Variants in LRRC69 observed in about 807,000 individuals in gnomAD.
LRRC69 encodes leucine-rich repeat-containing protein 69.
Under a neutral mutation model 37.8 loss-of-function variants are expected in LRRC69, and 42 were observed. The ratio of observed to expected loss-of-function variants is 1.11; its 90% confidence interval spans 0.87 to 1.44. The LOEUF (loss-of-function observed/expected upper bound fraction) is 1.44, where lower values mean the gene tolerates loss of function less well. LRRC69 is among the 40% of genes most tolerant of loss of function. The probability of loss-of-function intolerance (pLI) is 0.00; values close to 1 mark genes in which losing one functional copy is unlikely to be tolerated. For missense variants in LRRC69, 357 were observed against 401.9 expected (o/e 0.89, Z 0.96); for synonymous variants, 141 against 143.1 (o/e 0.99, Z 0.11).
At position 91,189,647 on chromosome 8, in the gene LRRC69, A is replaced by G; in HGVS notation, c.753+24A>G. ...AGGTGAAGACTTACCTCATTAACTTAAGTCTTCAAACTAAAGCCACAATTT... is the reference window on the plus strand; with the variant it reads ...AGGTGAAGACTTACCTCATTAACTTGAGTCTTCAAACTAAAGCCACAATTT... On this transcript the variant is annotated intron_variant, in intron 6 of 7. Coordinates refer to ENST00000448384, the Ensembl canonical transcript of LRRC69. 4.2e-6 allele frequency: 6 copies of G among 1,421,168 alleles called. No individual in the cohort carries two copies. The East Asian group carries it at 1.5e-4, about 35-fold the overall frequency. 88.0% of individuals were successfully genotyped at this position (1,421,168 alleles called of 1,614,324 possible).
intron 5 of LRRC69, among the ~76,000 whole-genome samples, chr8:91,149,043 C>G (rs867757081): frequency 6.6e-6 from 1 of 150,898 alleles, no homozygotes; most frequent in South Asian, 2.1e-4. Context: ...TGCCTGTTCA[C>G]TCTGATGGTA....
At chr8:91,158,394 A>T in intron 5 of LRRC69, 1 of 1,397,004 alleles carries the variant, frequency 7.2e-7, no homozygotes, top group Non-Finnish European at 1.0e-6. Flanking sequence ...AACTCTGATC[A>T]CCCCAAGAAA....
At chr8:91,154,304 T>G (rs890252629) in intron 5 of LRRC69, among the ~76,000 whole-genome samples, 1 of 148,724 alleles carries the variant, frequency 6.7e-6, no homozygotes, top group Non-Finnish European at 1.5e-5. Context: ...CAAAGAGGAG[T>G]TGGTACCATT....
intron 7 of LRRC69, among the ~76,000 whole-genome samples, chr8:91,202,523 C>T (rs1809729977): frequency 6.6e-6 from 1 of 152,176 alleles, no homozygotes; most frequent in South Asian, 2.1e-4. Flanking sequence ...TTTTAAATGA[C>T]ACCTCAAAGG....
chr8:91,126,499 A>T (rs1446626400), intron 2 of LRRC69, among the ~76,000 whole-genome samples: 1 of 152,030 alleles, frequency 6.6e-6, no homozygotes, highest in Non-Finnish European at 1.5e-5. Context: ...AGATTTAGCA[A>T]CACTGCAGTT....
At chr8:91,197,727 A>G (rs1001754666) in intron 6 of LRRC69, among the ~76,000 whole-genome samples, 13 of 151,270 alleles carry the variant, frequency 8.6e-5, no homozygotes, top group African/African-American at 2.9e-4. Context: ...GCACCCACTG[A>G]CCGGCGCCCA....
At chr8:91,162,447 T>C (rs1237491043) in intron 5 of LRRC69, among the ~76,000 whole-genome samples, 1 of 151,526 alleles carries the variant, frequency 6.6e-6, no homozygotes, top group Non-Finnish European at 1.5e-5. Flanking sequence ...GTTGGGTGCA[T>C]ATACATTTAC....
Position 91,189,632 on chromosome 8 carries a change from T to C in LRRC69, c.753+9T>C, listed in dbSNP as rs1809460373. On this transcript the variant is annotated intron_variant, in intron 6 of 7. Transcript: ENST00000448384. ...ACGTCTGGAGTCTACAGGTGAAGAC[T>C]TACCTCATTAACTTAAGTCTTCAAA... The C allele has an allele frequency of 4.0e-6, 6 of 1,500,636 alleles. No homozygotes were observed. The highest frequency in any genetic ancestry group is 4.5e-6 in the Non-Finnish European group (5 of 1,112,972). The allele number at this position is 1,500,636 out of a possible 1,614,324, so 93.0% of individuals were successfully genotyped here. A position where few individuals can be genotyped will look rare whatever the true frequency, so the allele number is the denominator to read the frequency against.
chr8:91,202,677 G>T (rs767695193), intron 7 of LRRC69, among the ~76,000 whole-genome samples: 1 of 152,198 alleles, frequency 6.6e-6, no homozygotes, highest in Non-Finnish European at 1.5e-5. Context: ...TTGACTAGGA[G>T]AGTTGAGATA....
At chr8:91,116,838 TAATC>T (rs1414233115) in intron 1 of LRRC69, among the ~76,000 whole-genome samples, 4 of 152,060 alleles carry the variant, frequency 2.6e-5, no homozygotes, top group African/African-American at 4.8e-5. Flanking sequence ...TTGTCATTAA[TAATC>T]TGTATGTTTT....
At chr8:91,197,711 G>C (rs1158907047) in intron 6 of LRRC69, among the ~76,000 whole-genome samples, 3 of 152,006 alleles carry the variant, frequency 2.0e-5, no homozygotes, top group African/African-American at 7.2e-5. Context: ...CTCGCGCACG[G>C]TGCGCGCACC....
intron 1 of LRRC69, among the ~76,000 whole-genome samples, chr8:91,120,411 G>C (rs1261440856): frequency 6.6e-6 from 1 of 152,058 alleles, no homozygotes; most frequent in African/African-American, 2.4e-5. Context: ...ACCTTCCCAG[G>C]AGTGAGGGAA....
chr8:91,192,303 C>A (rs1809511852), intron 6 of LRRC69, among the ~76,000 whole-genome samples: 1 of 152,088 alleles, frequency 6.6e-6, no homozygotes, highest in African/African-American at 2.4e-5. Context: ...CTGCAATAAA[C>A]ATACGTGTGC....
intron 1 of LRRC69, among the ~76,000 whole-genome samples, chr8:91,104,652 A>T (rs1269633243): frequency 6.6e-6 from 1 of 151,904 alleles, no homozygotes; most frequent in Non-Finnish European, 1.5e-5. Flanking sequence ...ACTGCTATCT[A>T]GGTTTGCTAG....
intron 5 of LRRC69, among the ~76,000 whole-genome samples, chr8:91,160,182 T>C (rs1808912974): frequency 6.6e-6 from 1 of 151,196 alleles, no homozygotes; most frequent in Non-Finnish European, 1.5e-5. Context: ...TGATGAATTA[T>C]TTATTACTGG....
intron 1 of LRRC69, among the ~76,000 whole-genome samples, chr8:91,121,026 C>T (rs1314966393): frequency 6.6e-6 from 1 of 151,970 alleles, no homozygotes; most frequent in African/African-American, 2.4e-5. Flanking sequence ...CCAGTTTCCC[C>T]ATCTCAGGTG....
At chr8:91,139,886 C>G (rs1185897113) in intron 5 of LRRC69, among the ~76,000 whole-genome samples, 1 of 151,292 alleles carries the variant, frequency 6.6e-6, no homozygotes, top group Non-Finnish European at 1.5e-5. Flanking sequence ...GTCAGGAGTT[C>G]GCAACCAGCC....
intron 1 of LRRC69, among the ~76,000 whole-genome samples, chr8:91,111,352 G>C (rs375807864): frequency 1.3e-5 from 2 of 151,892 alleles, no homozygotes; most frequent in African/African-American, 4.8e-5. Context: ...GGCCAAGATG[G>C]TGAAACCCCG....
chr8:91,152,764 G>A lies in LRRC69; in HGVS notation c.651+17025G>A, dbSNP rs577532700. 1.8e-4 allele frequency among the ~76,000 whole-genome samples: 27 copies of A among 151,566 alleles called. 1 individual carries two copies. Among genetic ancestry groups the A allele is most frequent in the Admixed American group, 9.9e-4 (15 of 15,150 alleles). ...ATTGATTCTTCCTATCCACAAGAAT[G>A]TAGTGTTTTTCCATTTGTTTGTTTT... On this transcript the variant is annotated intron_variant, in intron 5 of 7. Coordinates refer to ENST00000448384, the Ensembl canonical transcript of LRRC69.
Sources: gnomAD v4.1 joint callset for allele counts (sites outside exome capture counted in the v4.1 genomes callset) on GRCh38, gnomAD v4.1.1 for gene constraint, MANE v1.5 for transcripts, NCBI Gene and HGNC (gene_info 2026-07-23, HGNC 2026-07-21) for gene names.